Variants in HEPACAM2 observed in about 807,000 individuals in gnomAD.
HEPACAM2 encodes mitotic kinetics regulator.
Under a neutral mutation model 49.6 loss-of-function variants are expected in HEPACAM2, and 49 were observed. The ratio of observed to expected loss-of-function variants is 0.99; its 90% confidence interval spans 0.78 to 1.25. The LOEUF (loss-of-function observed/expected upper bound fraction) is 1.25, where lower values mean the gene tolerates loss of function less well. Ranked by LOEUF, HEPACAM2 falls within the 50% of genes most tolerant of loss-of-function variation. HEPACAM2 has a pLI of 0.00. For synonymous variants in HEPACAM2, 197 were observed against 202.9 expected, an observed-to-expected ratio of 0.97 and a Z score of 0.25; for missense variants, 525 against 557.2, an observed-to-expected ratio of 0.94 and a Z score of 0.58.
At chr7:93,203,870 G>A (rs558381211) in intron 4 of HEPACAM2, among the ~76,000 whole-genome samples, 2 of 152,184 alleles carry the variant, frequency 1.3e-5, no homozygotes, top group Admixed American at 6.5e-5. Flanking sequence ...AAGGTGCCAC[G>A]TTGAGGAGTG....
At chr7:93,219,657 G>A (rs551796395) in intron 1 of HEPACAM2, 17 of 791,914 alleles carry the variant, frequency 2.1e-5, no homozygotes, top group East Asian at 8.4e-5. Flanking sequence ...CCCAAAGACC[G>A]TGCTGGTTGC....
chr7:93,208,888 T>A lies in HEPACAM2; in HGVS notation c.716-12A>T, dbSNP rs1584343885. On this transcript the variant is annotated splice_polypyrimidine_tract_variant and intron_variant, in intron 3 of 9. Transcript: ENST00000394468. ...TCCATAAGGTCCATCTGCATCAATA[T>A]AAAAAAAAATAGATAAGTAACACAA... The A allele has an allele frequency of 4.6e-6, 7 of 1,509,010 alleles. No homozygotes were observed. The Admixed American group carries it at 6.6e-5, about 14-fold the overall frequency. 93.5% of individuals were successfully genotyped at this position (1,509,010 alleles called of 1,614,324 possible).
chr7:93,201,994 T>G (rs1337570266), intron 4 of HEPACAM2, among the ~76,000 whole-genome samples: 1 of 119,668 alleles, frequency 8.4e-6, no homozygotes, highest in Non-Finnish European at 1.7e-5. Flanking sequence ...GAATGCTCTC[T>G]GAGACAGTGA....
At chr7:93,218,356 G>T (rs1794363803) in intron 2 of HEPACAM2, among the ~76,000 whole-genome samples, 1 of 152,038 alleles carries the variant, frequency 6.6e-6, no homozygotes, top group South Asian at 2.1e-4. Context: ...AGTACTGGGG[G>T]TGGTAAGTGG....
At chr7:93,230,916 A>G (rs1794614742), upstream of HEPACAM2, among the ~76,000 whole-genome samples, 1 of 152,366 alleles carries the variant, frequency 6.6e-6, no homozygotes, top group East Asian at 1.9e-4. Flanking sequence ...GGCAGAATCA[A>G]AACCAATAAT....
intron 1 of HEPACAM2, chr7:93,226,006 G>T: frequency 3.8e-6 from 3 of 797,412 alleles, no homozygotes; most frequent in Admixed American, 2.9e-5. Flanking sequence ...CACTCTAAGT[G>T]GTCACAATTT....
chr7:93,211,644 G>T (rs1794180892), intron 3 of HEPACAM2, among the ~76,000 whole-genome samples: 1 of 151,986 alleles, frequency 6.6e-6, no homozygotes, highest in African/African-American at 2.4e-5. Context: ...AGGCCCTGTG[G>T]TTCAGAAGGG....
intron 8 of HEPACAM2, among the ~76,000 whole-genome samples, chr7:93,192,651 A>T (rs921650894): frequency 6.6e-6 from 1 of 152,104 alleles, no homozygotes; most frequent in Non-Finnish European, 1.5e-5. Flanking sequence ...AATATTATAG[A>T]AAGAAAAAAT....
chr7:93,217,687 A>C (rs961422253), intron 2 of HEPACAM2, among the ~76,000 whole-genome samples: 3 of 152,142 alleles, frequency 2.0e-5, no homozygotes, highest in African/African-American at 7.2e-5. Context: ...CTGAGGACAA[A>C]GCAGCAAATA....
chr7:93,222,155 A>C (rs1344618833), intron 1 of HEPACAM2, among the ~76,000 whole-genome samples: 2 of 152,206 alleles, frequency 1.3e-5, no homozygotes, highest in Non-Finnish European at 2.9e-5. Context: ...TTAAAGTCAT[A>C]GGTTTAGTAA....
chr7:93,228,181 A>T (rs1169913589), upstream of HEPACAM2, among the ~76,000 whole-genome samples: 1 of 152,168 alleles, frequency 6.6e-6, no homozygotes, highest in African/African-American at 2.4e-5. Flanking sequence ...AGAAATAAAG[A>T]CAATGTACTG....
intron 4 of HEPACAM2, among the ~76,000 whole-genome samples, chr7:93,198,153 T>C (rs1793785124): frequency 1.3e-5 from 2 of 152,120 alleles, no homozygotes; most frequent in South Asian, 4.1e-4. Flanking sequence ...ATGTCAATTC[T>C]TAAAATAGGA....
chr7:93,195,772 A>G, intron 8 of HEPACAM2, 56 bp downstream of exon 8: 1 of 1,345,936 alleles, frequency 7.4e-7, no homozygotes. Flanking sequence ...TGCTTTTTAC[A>G]CCTCTGGTGA....
In HEPACAM2 at chr7:93,194,798, T is replaced by A. The variant is rs567252842; in HGVS notation, c.1275+1030A>T. Among the ~76,000 whole-genome samples the A allele has an allele frequency of 3.9e-5, 6 of 152,156 alleles. No homozygotes were observed. The South Asian group carries it at 1.2e-3, about 32-fold the overall frequency. ...GTGCCCTTCCTCAAATGGACTCTCA[T>A]AGCAGAATAAGGAAGCAGAGGAAAA... On this transcript the variant is annotated intron_variant, in intron 8 of 9. Transcript: ENST00000394468.
intron 4 of HEPACAM2, among the ~76,000 whole-genome samples, chr7:93,198,807 A>G (rs974112984): frequency 2.6e-5 from 4 of 152,100 alleles, no homozygotes; most frequent in African/African-American, 9.7e-5. Flanking sequence ...GCACTGTGTC[A>G]TCTTTCATCA....
intron 4 of HEPACAM2, among the ~76,000 whole-genome samples, chr7:93,204,820 T>A (rs546552540): frequency 3.3e-5 from 5 of 152,026 alleles, no homozygotes; most frequent in Non-Finnish European, 7.4e-5. Context: ...GGGCTTTGGG[T>A]CAGGTGTGGT....
In HEPACAM2 at chr7:93,219,094, G is replaced by C. The variant is rs1398533402; in HGVS notation, c.430+7C>G. The C allele has an allele frequency of 6.2e-7, 1 of 1,611,486 alleles. No individual in the cohort carries two copies. The highest frequency in any genetic ancestry group is 8.5e-7 in the Non-Finnish European group (1 of 1,178,206). On this transcript the variant is annotated splice_region_variant and intron_variant, in intron 2 of 9. Coordinates refer to ENST00000394468, the MANE Select transcript of HEPACAM2 (RefSeq NM_001039372.4). ...CTGCTGCCCTCGTACACTCACAGGG[G>C]ACTCACCATCAACCGTGACTTGTAT...
intron 1 of HEPACAM2, 105 bp from the exon 2 acceptor site, chr7:93,219,556 A>AGAG (rs1794405115): frequency 6.4e-7 from 1 of 1,553,728 alleles, no homozygotes; most frequent in South Asian, 1.2e-5. Context: ...TTTTCAAAGA[A>AGAG]GAGTGGCTTC....
intron 1 of HEPACAM2, among the ~76,000 whole-genome samples, chr7:93,223,554 T>C (rs1794488727): frequency 6.6e-6 from 1 of 152,198 alleles, no homozygotes; most frequent in Non-Finnish European, 1.5e-5. Context: ...GACTGCATCA[T>C]GTAATAATAC....
Sources: gnomAD v4.1 joint callset for allele counts (sites outside exome capture counted in the v4.1 genomes callset) on GRCh38, gnomAD v4.1.1 for gene constraint, MANE v1.5 for transcripts, NCBI Gene and HGNC (gene_info 2026-07-23, HGNC 2026-07-21) for gene names.